Variants in TANGO6 observed in about 807,000 individuals in gnomAD.
TANGO6 encodes transport and golgi organization 6 homolog, also known as transport and Golgi organization protein 6 homolog.
TANGO6 carries 90 observed loss-of-function variants against 114.2 expected under a neutral mutation model. The ratio of observed to expected loss-of-function variants is 0.79; its 90% CI spans 0.66 to 0.94. TANGO6 has a LOEUF of 0.94. TANGO6 is among the 40% of genes least tolerant of loss of function. The probability of loss-of-function intolerance (pLI) is 0.00; values close to 1 mark genes in which losing one functional copy is unlikely to be tolerated. For synonymous variants in TANGO6, 477 were observed against 509.8 expected (o/e 0.94, Z 0.87); for missense variants, 1,274 against 1,315.3 (o/e 0.97, Z 0.49).
intron 12 of TANGO6, among the ~76,000 whole-genome samples, chr16:68,919,528 C>G (rs1963060310): frequency 6.6e-6 from 1 of 152,098 alleles, no homozygotes; most frequent in Non-Finnish European, 1.5e-5. Context: ...TTTTCTGGCT[C>G]TCACTCTCCA....
chr16:69,022,677 C>A, intron 15 of TANGO6, 151 bp from the exon 16 acceptor site: 1 of 794,630 alleles, frequency 1.3e-6, no homozygotes, highest in Non-Finnish European at 1.9e-6. Context: ...GCACTCCAGT[C>A]TGGGCAATAC....
intron 17 of TANGO6, among the ~76,000 whole-genome samples, chr16:69,054,071 A>G (rs1027583936): frequency 2.0e-5 from 3 of 151,526 alleles, no homozygotes; most frequent in Admixed American, 6.6e-5. Flanking sequence ...TCTCAAAAGA[A>G]AAAAAAAAGA....
intron 17 of TANGO6, among the ~76,000 whole-genome samples, chr16:69,050,225 C>T (rs533614246): frequency 3.9e-5 from 6 of 152,284 alleles, no homozygotes; most frequent in African/African-American, 1.4e-4. Flanking sequence ...TTCTCCATAT[C>T]CTCACGAACA....
rs143073228 is a variant in TANGO6 at position 68,898,946 on chromosome 16, C to CTTATTATTATTA, written c.1378-1464_1378-1453dup. Among the ~76,000 whole-genome samples the CTTATTATTATTA allele has an allele frequency of 6.9e-3, 1,000 of 144,974 alleles. 9 individuals carry two copies. Among genetic ancestry groups the CTTATTATTATTA allele is most frequent in the African/African-American group, 0.023 (904 of 39,672 alleles). ...TCTTAAGATACTTGCAATTATCTGC[C>CTTATTATTATTA]TTATTATTATTATTATTATTATTAT... On this transcript the variant is annotated intron_variant, in intron 7 of 17. Coordinates refer to ENST00000261778, the MANE Select transcript of TANGO6 (RefSeq NM_024562.2).
intron 14 of TANGO6, among the ~76,000 whole-genome samples, chr16:68,936,398 G>C (rs1963299554): frequency 1.3e-5 from 2 of 151,852 alleles, no homozygotes; most frequent in Admixed American, 6.6e-5. Flanking sequence ...AGTGCAATGG[G>C]CTTGGCTCAC....
chr16:68,907,311 A>C, intron 9 of TANGO6, 132 bp from the exon 10 acceptor site: 1 of 1,052,216 alleles, frequency 9.5e-7, no homozygotes, highest in Admixed American at 3.1e-5. Flanking sequence ...AAATAAGTTA[A>C]ATAAATTTGG....
chr16:68,856,609 C>T (rs1961998370), intron 1 of TANGO6, among the ~76,000 whole-genome samples: 1 of 152,200 alleles, frequency 6.6e-6, no homozygotes, highest in South Asian at 2.1e-4. Context: ...CTACCCCAAA[C>T]CTAGTTTCCC....
rs143442974 is a variant in TANGO6, at chr16:68,861,722, A to G, written c.735+1198A>G. 2.9e-3 allele frequency among the ~76,000 whole-genome samples: 442 copies of G among 152,322 alleles called. 3 individuals carry two copies. The highest frequency in any genetic ancestry group is 0.01 in the African/African-American group (433 of 41,574). On this transcript the variant is annotated intron_variant, in intron 2 of 17. Transcript: ENST00000261778. ...CAGAGGGAAAACATGCTGGGTGTAC[A>G]TTATGAAGCTGGACAAAGTCCCACC...
At chr16:69,022,762 T>C in intron 15 of TANGO6, 66 bp from the exon 16 acceptor site, 1 of 1,488,738 alleles carries the variant, frequency 6.7e-7, no homozygotes, top group Non-Finnish European at 9.1e-7. Flanking sequence ...GGAAATATAA[T>C]TCTTCCTTTT....
intron 15 of TANGO6, among the ~76,000 whole-genome samples, chr16:68,983,917 C>T (rs1366225619): frequency 6.6e-6 from 1 of 151,788 alleles, no homozygotes. Context: ...CCTGTTGTCC[C>T]AGCTACTCGG....
chr16:68,911,901 C>T (rs546491770), intron 11 of TANGO6, among the ~76,000 whole-genome samples: 1 of 152,146 alleles, frequency 6.6e-6, no homozygotes, highest in African/African-American at 2.4e-5. Context: ...CTGGAGCCAA[C>T]TTGAAGGGAC....
At chr16:68,859,823 C>G (rs1596991276) in intron 1 of TANGO6, 61 bp from the exon 2 acceptor site, 2 of 1,482,866 alleles carry the variant, frequency 1.3e-6, no homozygotes, top group East Asian at 4.6e-5. Context: ...GGGCATTCCA[C>G]AGGGGGAAGT....
intron 15 of TANGO6, among the ~76,000 whole-genome samples, chr16:68,988,279 T>C (rs1457301528): frequency 6.6e-6 from 1 of 152,228 alleles, no homozygotes; most frequent in Non-Finnish European, 1.5e-5. Flanking sequence ...CCAGTAGCAC[T>C]TGATATGTTT....
At chr16:68,970,873 A>G (rs1042598513) in intron 14 of TANGO6, among the ~76,000 whole-genome samples, 2 of 152,012 alleles carry the variant, frequency 1.3e-5, no homozygotes, top group African/African-American at 2.4e-5. Flanking sequence ...GAAAGTAGCT[A>G]TGGGCCGGGC....
intron 15 of TANGO6, among the ~76,000 whole-genome samples, chr16:69,013,167 T>C (rs1959227928): frequency 6.6e-6 from 1 of 152,092 alleles, no homozygotes; most frequent in African/African-American, 2.4e-5. Context: ...ATTCAGCTCT[T>C]TGGGAAAGTT....
At chr16:68,957,171 A>G (rs571341397) in intron 14 of TANGO6, among the ~76,000 whole-genome samples, 3 of 152,220 alleles carry the variant, frequency 2.0e-5, no homozygotes, top group Middle Eastern at 3.4e-3. Flanking sequence ...GCATGCATGC[A>G]TGTATAGCAA....
Position 68,860,329 on chromosome 16 carries a change from A to G in TANGO6, c.540A>G (p.Gln180=), listed in dbSNP as rs1003661509. The change falls in exon 2 of 18, where the codon CAA becomes CAG. Residue 180 remains glutamine (Q), a synonymous_variant. Transcript: ENST00000261778. ...GAACTGAATTTGGTGCCGTCGTTCA[A>G]GACGTGGTGTGTTTTGATGCTGCCC... is the stretch of plus-strand genomic sequence containing the variant. ...RYRTEFGAVV[Q]DVVCFDAAPD... The G allele has an allele frequency of 2.5e-6, 4 of 1,613,862 alleles. No individual in the cohort carries two copies. The African/African-American group carries it at 5.3e-5, about 22-fold the overall frequency.
At chr16:69,083,417 G>A (rs1011686514) in intron 17 of TANGO6, 68 bp from the exon 18 acceptor site, 1 of 1,508,752 alleles carries the variant, frequency 6.6e-7, no homozygotes, top group Non-Finnish European at 8.9e-7. Flanking sequence ...AGGAGGAGAG[G>A]GCAGTTCAGT....
intron 17 of TANGO6, among the ~76,000 whole-genome samples, chr16:69,048,864 G>T: frequency 6.6e-6 from 1 of 152,142 alleles, no homozygotes; most frequent in South Asian, 2.1e-4. Flanking sequence ...CCAAAAGTGT[G>T]TTGGAAAAGG....
Sources: allele counts gnomAD v4.1 joint callset (sites outside exome capture counted in the v4.1 genomes callset), GRCh38; gene constraint gnomAD v4.1.1; transcripts MANE v1.5; gene names NCBI Gene and HGNC (gene_info 2026-07-23, HGNC 2026-07-21).